The following ZNRF3 variants were observed in gnomAD, a reference collection of about 807,000 sequenced individuals.
ZNRF3 encodes the protein zinc and ring finger 3.
A neutral mutation model predicts 72.5 loss-of-function variants in ZNRF3; 23 were observed. That is an observed-to-expected ratio of 0.32 (90% CI 0.23 to 0.45). The LOEUF (loss-of-function observed/expected upper bound fraction) is 0.45. Among genes scored for constraint, ZNRF3 ranks in the 20% least tolerant of loss-of-function variants. The pLI is 1.00. For synonymous variants in ZNRF3, 610 were observed against 545.3 expected (o/e 1.12, Z -1.65); for missense variants, 1,169 against 1,272.1 (o/e 0.92, Z 1.23).
intron 1 of ZNRF3, among the ~76,000 whole-genome samples, chr22:28,977,359 C>T (rs150004670): frequency 2.6e-5 from 4 of 152,216 alleles, no homozygotes; most frequent in East Asian, 1.9e-4. Flanking sequence ...GATTCTAGAT[C>T]CAGAAAAAGG....
At chr22:29,004,106 C>T (rs1360574687) in intron 2 of ZNRF3, among the ~76,000 whole-genome samples, 1 of 152,236 alleles carries the variant, frequency 6.6e-6, no homozygotes, top group Non-Finnish European at 1.5e-5. Context: ...CCTCAAGAGA[C>T]GCTGGTCAGG....
At chr22:29,044,939 C>T (rs780202627) in intron 5 of ZNRF3, 49 bp downstream of exon 5, 7 of 1,349,472 alleles carry the variant, frequency 5.2e-6, no homozygotes, top group Admixed American at 5.0e-5. Flanking sequence ...CTTGCCGTGA[C>T]ACTGGGGAAA....
intron 1 of ZNRF3, among the ~76,000 whole-genome samples, chr22:28,949,274 A>G (rs778639405): frequency 5.9e-5 from 9 of 151,666 alleles, no homozygotes; most frequent in Non-Finnish European, 1.2e-4. Context: ...CACAGCACCC[A>G]GCCTATTTAT....
chr22:28,942,845 T>C (rs1002583572), intron 1 of ZNRF3, among the ~76,000 whole-genome samples: 2 of 152,218 alleles, frequency 1.3e-5, no homozygotes, highest in African/African-American at 4.8e-5. Flanking sequence ...TTCTGTGTGA[T>C]TGGTGTTGCC....
intron 2 of ZNRF3, among the ~76,000 whole-genome samples, chr22:29,000,003 A>G (rs760175072): frequency 1.3e-4 from 20 of 152,172 alleles, no homozygotes; most frequent in Non-Finnish European, 2.1e-4. Flanking sequence ...TATTTGATAA[A>G]AGGTACAGGG....
chr22:28,949,535 C>T (rs2035118488), intron 1 of ZNRF3, among the ~76,000 whole-genome samples: 1 of 152,150 alleles, frequency 6.6e-6, no homozygotes. Context: ...CCACCTTGAC[C>T]CCACAAAGTG....
intron 5 of ZNRF3, among the ~76,000 whole-genome samples, chr22:29,045,820 T>C (rs1430230022): frequency 6.6e-6 from 1 of 152,218 alleles, no homozygotes; most frequent in Non-Finnish European, 1.5e-5. Flanking sequence ...TTATAAACAC[T>C]CCACAGGTCT....
intron 1 of ZNRF3, among the ~76,000 whole-genome samples, chr22:28,920,261 T>C (rs1238674526): frequency 6.6e-6 from 1 of 151,330 alleles, no homozygotes; most frequent in African/African-American, 2.4e-5. Flanking sequence ...CCACCGTGCC[T>C]GGCCTATTTT....
intron 2 of ZNRF3, among the ~76,000 whole-genome samples, chr22:29,039,768 GA>G (rs1297394260): frequency 7.8e-6 from 1 of 128,474 alleles, no homozygotes; most frequent in African/African-American, 3.1e-5. Flanking sequence ...GCAACATAGT[GA>G]GACCTCGTCT....
chr22:28,982,085 C>G (rs909649751), intron 1 of ZNRF3, among the ~76,000 whole-genome samples: 1 of 152,084 alleles, frequency 6.6e-6, no homozygotes, highest in Non-Finnish European at 1.5e-5. Flanking sequence ...AGCTCCCATG[C>G]GTGTTTCTTC....
chr22:28,922,052 A>C (rs2034522084), intron 1 of ZNRF3, among the ~76,000 whole-genome samples: 1 of 152,196 alleles, frequency 6.6e-6, no homozygotes, highest in Non-Finnish European at 1.5e-5. Context: ...CACCTTATTC[A>C]CATAGCCTGA....
chr22:28,951,279 C>T (rs1319511172), intron 1 of ZNRF3, among the ~76,000 whole-genome samples: 1 of 152,158 alleles, frequency 6.6e-6, no homozygotes, highest in Non-Finnish European at 1.5e-5. Flanking sequence ...CCTCAGAATG[C>T]GACCTTTTTT....
intron 1 of ZNRF3, among the ~76,000 whole-genome samples, chr22:28,888,455 A>G (rs1245711836): frequency 1.3e-5 from 2 of 152,244 alleles, no homozygotes; most frequent in Non-Finnish European, 2.9e-5. Context: ...ATGGGCCTTC[A>G]TAGGTTAAAA....
intron 4 of ZNRF3, 110 bp from the exon 5 acceptor site, chr22:29,044,670 A>G: frequency 1.3e-6 from 1 of 752,110 alleles, no homozygotes; most frequent in Non-Finnish European, 2.4e-6. Context: ...AATTGAGGGG[A>G]AACTCATCCC....
In ZNRF3 at chr22:29,050,303, C is replaced by T. The variant is rs1420529687; in HGVS notation, c.2122C>T (p.Pro708Ser). The T allele has an allele frequency of 3.1e-6, 5 of 1,598,256 alleles. No individual in the cohort carries two copies. The highest frequency in any genetic ancestry group is 2.7e-5 in the African/African-American group (2 of 74,982). ...RRTWKGGHEL[P>S]SCACCCEPQP... ...GACCTGGAAGGGGGGCCACGAGTTG[C>T]CGTCGTGTGCCTGCTGCTGCGAGCC... The change falls in exon 8 of 9, where the codon CCG (proline) becomes TCG (serine). Residue 708 changes from proline to serine, a missense_variant. Around this residue, in one of 2 missense-constraint regions of ZNRF3, gnomAD observed 783 missense variants for 731.4 expected, o/e 1.07. Coordinates refer to ENST00000544604, the MANE Select transcript of ZNRF3 (RefSeq NM_001206998.2).
rs538663146 is a variant in ZNRF3 at position 28,894,284 on chromosome 22, C to A, written c.300+10218C>A. Among the ~76,000 whole-genome samples the A allele has an allele frequency of 5.3e-5, 8 of 151,800 alleles. 1 individual carries two copies. In the South Asian group the frequency reaches 1.7e-3, roughly 32 times the overall value. On this transcript the variant is annotated intron_variant, in intron 1 of 8. Coordinates refer to ENST00000544604, the MANE Select transcript of ZNRF3 (RefSeq NM_001206998.2). ...TATGTTTCTCAAAAATACAAAATGT[C>A]GTAAAAGTGAAAGTCTATATATTCC...
intron 2 of ZNRF3, among the ~76,000 whole-genome samples, chr22:29,033,917 G>A (rs535288815): frequency 6.6e-6 from 1 of 152,260 alleles, no homozygotes; most frequent in East Asian, 1.9e-4. Flanking sequence ...TGTGCTCTGC[G>A]AATAGCTGCA....
intron 1 of ZNRF3, among the ~76,000 whole-genome samples, chr22:28,904,340 A>G (rs1187752771): frequency 2.6e-5 from 4 of 152,172 alleles, no homozygotes; most frequent in African/African-American, 9.7e-5. Flanking sequence ...AAAGAGTTAA[A>G]CTCTAATTAG....
At chr22:28,934,723 C>T (rs1039921799) in intron 1 of ZNRF3, among the ~76,000 whole-genome samples, 4 of 148,488 alleles carry the variant, frequency 2.7e-5, no homozygotes, top group African/African-American at 1.0e-4. Flanking sequence ...GAGGCTGAAG[C>T]ACAAGAATCT....
Sources: allele counts gnomAD v4.1 joint callset (sites outside exome capture counted in the v4.1 genomes callset), GRCh38; gene constraint gnomAD v4.1.1; regional missense constraint gnomAD v4.1.1; transcripts MANE v1.5; gene names NCBI Gene and HGNC (gene_info 2026-07-23, HGNC 2026-07-21).